EPHA10: variants seen among roughly 807,000 people sequenced by gnomAD.
EPHA10 encodes ephrin type-A receptor 10.
In EPHA10, 120 loss-of-function variants were observed where a neutral mutation model predicts 109.7. That is an observed-to-expected ratio of 1.09 (90% CI 0.94 to 1.27). EPHA10 has a LOEUF of 1.27. Among genes scored for constraint, EPHA10 ranks in the 50% most tolerant of loss-of-function variants. The probability of loss-of-function intolerance (pLI) is 0.00; values close to 1 mark genes in which losing one functional copy is unlikely to be tolerated. For missense variants in EPHA10, 1,396 were observed against 1,411.1 expected, an observed-to-expected ratio of 0.99 and a Z score of 0.17; for synonymous variants, 640 against 618.9, an observed-to-expected ratio of 1.03 and a Z score of -0.51.
chr1:37,720,278 G>T (rs1645767386), intron 13 of EPHA10, 73 bp downstream of exon 13: 2 of 1,487,488 alleles, frequency 1.3e-6, no homozygotes, highest in Non-Finnish European at 1.8e-6. Flanking sequence ...AGTAGAAGTG[G>T]GGAGTTAAGG....
chr1:37,737,981 A>G (rs1009644618), intron 5 of EPHA10: 59 of 34,568 alleles, frequency 1.7e-3, no homozygotes, highest in African/African-American at 4.6e-3. Flanking sequence ...AGGCAGTGGG[A>G]GTGGAGATGA....
At chr1:37,736,221 G>A (rs1207680021) in intron 5 of EPHA10, among the ~76,000 whole-genome samples, 1 of 151,978 alleles carries the variant, frequency 6.6e-6, no homozygotes, top group Non-Finnish European at 1.5e-5. Context: ...AGCCGGGCAG[G>A]TGGATCACTT....
chr1:37,722,892 G>T, intron 10 of EPHA10, 149 bp downstream of exon 10: 1 of 1,183,484 alleles, frequency 8.4e-7, no homozygotes, highest in Non-Finnish European at 1.2e-6. Flanking sequence ...TGGAGGGTGG[G>T]CTTGGTGTGG....
In EPHA10 at chr1:37,718,024, GGCAGTAGGGC is replaced by G. The variant is rs1645719081; in HGVS notation, c.*338_*347del. On this transcript the variant is annotated 3_prime_UTR_variant, in exon 17 of 17. Coordinates refer to ENST00000373048, the MANE Select transcript of EPHA10 (RefSeq NM_001099439.2). ...GCCCCAGCCCCCAGTGGGTACAAAT[GGCAGTAGGGC>G]ATGAGCCAGGGCAATCTCAACCCAC... 3.0e-6 allele frequency: 1 copy of G among 331,968 alleles called. No individual in the cohort carries two copies. The highest frequency in any genetic ancestry group is 5.5e-6 in the Non-Finnish European group (1 of 180,746). 20.6% of individuals were successfully genotyped at this position (331,968 alleles called of 1,614,324 possible). A position where few individuals can be genotyped will look rare whatever the true frequency, so the allele number is the denominator to read the frequency against.
At chr1:37,743,714 C>T (rs540019) in intron 5 of EPHA10, among the ~76,000 whole-genome samples, 51,788 of 152,046 alleles carry the variant, frequency 0.34, 8,890 homozygotes, top group East Asian at 0.48. Flanking sequence ...TAGGTGATTT[C>T]GCCCACCTGT....
intron 5 of EPHA10, chr1:37,738,028 G>C (rs1646096934): frequency 7.7e-6 from 1 of 129,704 alleles, no homozygotes; most frequent in African/African-American, 2.8e-5. Context: ...TCAGTTAGTT[G>C]TAAACAATAC....
intron 5 of EPHA10, among the ~76,000 whole-genome samples, chr1:37,750,619 AC>A (rs1355999696): frequency 6.6e-6 from 1 of 151,528 alleles, no homozygotes; most frequent in African/African-American, 2.4e-5. Flanking sequence ...TGGCTCTGTC[AC>A]CCAGGCTGGA....
At chr1:37,742,152 C>G (rs572402438) in intron 5 of EPHA10, among the ~76,000 whole-genome samples, 1 of 152,304 alleles carries the variant, frequency 6.6e-6, no homozygotes, top group African/African-American at 2.4e-5. Context: ...CACCAAGCAC[C>G]GGCTCTCCAG....
rs114432412 is a variant in EPHA10 at position 37,740,770 on chromosome 1, A to C, written c.1358-5380T>G. On this transcript the variant is annotated intron_variant, in intron 5 of 16. Transcript: ENST00000373048. ...GTTCGGCAAAGGGGTTTCCAAGAGA[A>C]GATGCCAGGAGGGCAGTGGGAGAAA... Among the ~76,000 whole-genome samples, 1,061 of 152,264 alleles carry C rather than the reference A, an allele frequency of 7.0e-3. 8 individuals are homozygous for C. Among genetic ancestry groups the C allele is most frequent in the Middle Eastern group, 0.02 (6 of 294 alleles).
At chr1:37,734,269 C>T (rs1016790134) in intron 6 of EPHA10, among the ~76,000 whole-genome samples, 2 of 152,148 alleles carry the variant, frequency 1.3e-5, no homozygotes, top group African/African-American at 4.8e-5. Flanking sequence ...TGCAGTGGCT[C>T]ACACCAGTAA....
chr1:37,760,421 CAACA>C (rs1646420937), intron 3 of EPHA10: 1 of 1,055,902 alleles, frequency 9.5e-7, no homozygotes, highest in Non-Finnish European at 1.1e-6. Flanking sequence ...GCAAAACCCT[CAACA>C]TGAAGGATCT....
At chr1:37,735,469 G>A (rs1646055117) in intron 5 of EPHA10, 79 bp from the exon 6 acceptor site, 5 of 1,493,170 alleles carry the variant, frequency 3.3e-6, no homozygotes, top group Admixed American at 4.1e-5. Flanking sequence ...AGGGTGCGGC[G>A]TGCGGGGCTG....
chr1:37,751,781 G>T (rs139106556), intron 5 of EPHA10, among the ~76,000 whole-genome samples: 4 of 151,626 alleles, frequency 2.6e-5, no homozygotes, highest in Non-Finnish European at 5.9e-5. Context: ...GCTAAGGCAG[G>T]AGAATCACTT....
At chr1:37,724,944 A>G (rs1298389355) in intron 8 of EPHA10, among the ~76,000 whole-genome samples, 1 of 152,220 alleles carries the variant, frequency 6.6e-6, no homozygotes, top group East Asian at 1.9e-4. Flanking sequence ...TGGGGGGCAG[A>G]GGGGAACATT....
chr1:37,756,876 A>G lies in EPHA10; in HGVS notation c.851-2506T>C, dbSNP rs182800844. ...GGTCTTGCTCTGTTGCCCAGGCTGG[A>G]GTGCAGTGGCACAATCATAGCTCAC... On this transcript the variant is annotated intron_variant, in intron 3 of 16. Transcript: ENST00000373048. 3.9e-5 allele frequency among the ~76,000 whole-genome samples: 6 copies of G among 152,102 alleles called. No individual in the cohort carries two copies. In the East Asian group the frequency reaches 9.7e-4, roughly 25 times the overall value.
intron 3 of EPHA10, chr1:37,761,172 G>A: frequency 7.0e-7 from 1 of 1,423,708 alleles, no homozygotes; most frequent in Non-Finnish European, 9.1e-7. Context: ...CTAAGATATA[G>A]ATCCCTAATG....
Position 37,761,828 on chromosome 1 carries a change from G to A in EPHA10, c.427C>T (p.Arg143Cys), listed in dbSNP as rs45567442. 6.0e-4 allele frequency: 967 copies of A among 1,613,392 alleles called. 1 individual carries two copies. The highest frequency in any genetic ancestry group is 7.7e-4 in the Non-Finnish European group (904 of 1,179,628). The change falls in exon 3 of 17, where the codon CGC becomes TGC. Residue 143 changes from arginine (R) to cysteine (C), a missense_variant. Transcript: ENST00000373048. ...TEADLGRGRP[R>C]LGGSRPRKID... ...TTGCGGGGCCGGCTGCCGCCTAGGC[G>A]GGGACGCCCACGGCCCAGGTCGGCC...
rs553423662 is a variant in EPHA10 at position 37,716,714 on chromosome 1, G to C, written c.*1658C>G. The C allele has an allele frequency of 4.3e-6, 1 of 232,960 alleles. No homozygotes were observed. The highest frequency in any genetic ancestry group is 1.8e-4 in the South Asian group (1 of 5,526). 14.4% of individuals were successfully genotyped at this position (232,960 alleles called of 1,614,324 possible). On this transcript the variant is annotated 3_prime_UTR_variant, in exon 17 of 17. Transcript: ENST00000373048. ...TTTCTCATGCTAGCCTCTCTGCATG[G>C]ACTCCTTTTGTCCGAGGCCTGCCAT...
At chr1:37,724,980 G>A (rs1645864089) in intron 8 of EPHA10, among the ~76,000 whole-genome samples, 1 of 152,172 alleles carries the variant, frequency 6.6e-6, no homozygotes, top group Non-Finnish European at 1.5e-5. Context: ...CTCCCAAGAT[G>A]GCAAAAGGGT....
Sources: allele counts gnomAD v4.1 joint callset (sites outside exome capture counted in the v4.1 genomes callset), GRCh38; gene constraint gnomAD v4.1.1; transcripts MANE v1.5; gene names NCBI Gene and HGNC (gene_info 2026-07-23, HGNC 2026-07-21).